Variants in DNAH5 observed in about 807,000 individuals in gnomAD.
DNAH5 encodes the protein dynein axonemal heavy chain 5.
Under a neutral mutation model 518.2 loss-of-function variants are expected in DNAH5, and 372 were observed. The ratio of observed to expected loss-of-function variants is 0.72; its 90% CI spans 0.66 to 0.78. The LOEUF is 0.78. Ranked by LOEUF, DNAH5 falls within the 30% of genes least tolerant of loss-of-function variation. DNAH5 has a pLI of 0.00. For missense variants in DNAH5, 5,523 were observed against 5,687.0 expected (o/e 0.97, Z 0.93); for synonymous variants, 2,039 against 2,025.9 (o/e 1.01, Z -0.17).
rs773869600 is a variant in DNAH5, at chr5:13,753,387, ATAG to A, written c.10715_10717del (p.Thr3572del). 3.3e-5 allele frequency: 54 copies of A among 1,613,942 alleles called. No homozygotes were observed. Among genetic ancestry groups the A allele is most frequent in the Non-Finnish European group, 4.3e-5 (51 of 1,179,978 alleles). On this transcript the variant is annotated inframe_deletion, in exon 63 of 79. Transcript: ENST00000265104. ...CAGACCTTGGAGGTTCCATTCACTAATAGTAGGAGCATCAATCAACATCTCACT... is the reference window on the plus strand; with the variant it reads ...CAGACCTTGGAGGTTCCATTCACTAATAGGAGCATCAATCAACATCTCACT...
At chr5:13,979,841 G>GT (rs1370463214) in intron 1 of DNAH5, among the ~76,000 whole-genome samples, 50 of 122,516 alleles carry the variant, frequency 4.1e-4, no homozygotes, top group Admixed American at 6.7e-4. Context: ...AGTTTTTTGG[G>GT]GTTTTTTTTT....
At chr5:13,754,727 G>A (rs1003944757) in intron 61 of DNAH5, among the ~76,000 whole-genome samples, 9 of 151,850 alleles carry the variant, frequency 5.9e-5, no homozygotes, top group African/African-American at 2.2e-4. Flanking sequence ...TAGTAGAGAT[G>A]GGGTTTCTCC....
chr5:13,745,863 T>C (rs1380167022), intron 65 of DNAH5, among the ~76,000 whole-genome samples: 1 of 152,126 alleles, frequency 6.6e-6, no homozygotes. Flanking sequence ...ATTTTATATT[T>C]ATAATCACCC....
intron 44 of DNAH5, 155 bp from the exon 45 acceptor site, chr5:13,810,415 C>A: frequency 1.3e-6 from 1 of 746,826 alleles, no homozygotes; most frequent in Non-Finnish European, 2.3e-6. Context: ...AAATGAAGAA[C>A]TGATCTCTGA....
intron 75 of DNAH5, among the ~76,000 whole-genome samples, chr5:13,710,714 G>A (rs1386866899): frequency 6.6e-6 from 1 of 151,932 alleles, no homozygotes; most frequent in Non-Finnish European, 1.5e-5. Flanking sequence ...AATACAAAAG[G>A]TCATTCAAGG....
At chr5:13,728,168 T>C (rs936625598) in intron 69 of DNAH5, among the ~76,000 whole-genome samples, 1 of 152,188 alleles carries the variant, frequency 6.6e-6, no homozygotes, top group African/African-American at 2.4e-5. Flanking sequence ...CGCCAGTTAA[T>C]ATCATCAAAT....
At chr5:13,763,451 G>C (rs1364417298) in intron 59 of DNAH5, among the ~76,000 whole-genome samples, 2 of 152,164 alleles carry the variant, frequency 1.3e-5, no homozygotes, top group Non-Finnish European at 2.9e-5. Context: ...TTTAATCATA[G>C]AACTATCAAG....
In DNAH5 at chr5:13,890,990, G is replaced by A. The variant is rs373146819; in HGVS notation, c.2563C>T (p.Leu855Phe). The A allele has an allele frequency of 5.0e-6, 8 of 1,613,980 alleles. No homozygotes were observed. The African/African-American group carries it at 9.3e-5, about 19-fold the overall frequency. Residue 855 changes from leucine (L) to phenylalanine (F), a missense_variant, in exon 17 of 79, where the codon CTC becomes TTC. Leu to Phe is a conservative substitution (Grantham distance 22). Around this residue, in one of 3 missense-constraint regions of DNAH5, gnomAD observed 5,121 missense variants for 5,223.3 expected, o/e 0.98. Coordinates refer to ENST00000265104, the MANE Select transcript of DNAH5 (RefSeq NM_001369.3). The part of the protein sequence containing the change: ...QEEPLTCEEF[L>F]QMTKDLCVNG... ...GTTTTAATGACCTTTGTCATTTGGA[G>A]AAACTCTTCACAGGTTAGTGGCTCC...
chr5:13,912,446 G>A (rs1027597054), intron 11 of DNAH5, among the ~76,000 whole-genome samples: 13 of 147,970 alleles, frequency 8.8e-5, no homozygotes, highest in East Asian at 4.2e-4. Context: ...TTTATATAAC[G>A]TGTGTGTATG....
At chr5:13,923,798 C>G (rs913795508) in intron 3 of DNAH5, among the ~76,000 whole-genome samples, 3 of 152,146 alleles carry the variant, frequency 2.0e-5, no homozygotes, top group Non-Finnish European at 4.4e-5. Flanking sequence ...AATCCCAGCA[C>G]TTTGAGAGGC....
rs749995346 is a variant in DNAH5 at position 13,810,165 on chromosome 5, C to A, written c.7503G>T (p.Arg2501=). ...SAGAALELDG[R]RRLELWLRSR... ...AGCGCAGCCAGAGCTCCAGGCGGCG[C>A]CGTCCGTCCAGCTCCAGCGCCGCCC... is the stretch of plus-strand genomic sequence containing the variant. Residue 2501 remains arginine, a synonymous_variant, in exon 45 of 79, where the codon CGG becomes CGT. Coordinates refer to ENST00000265104, the MANE Select transcript of DNAH5 (RefSeq NM_001369.3). The A allele has an allele frequency of 1.1e-5, 17 of 1,548,282 alleles. No individual in the cohort carries two copies. Among genetic ancestry groups the A allele is most frequent in the Non-Finnish European group, 1.7e-6 (2 of 1,145,592 alleles).
intron 53 of DNAH5, among the ~76,000 whole-genome samples, chr5:13,778,539 G>GAAGA (rs397996833): frequency 0.054 from 3,990 of 73,784 alleles, 244 homozygotes; most frequent in Admixed American, 0.08. Flanking sequence ...GAGAGAGAGA[G>GAAGA]AAGAAAGAAA....
chr5:13,846,948 T>G (rs1347243446), intron 31 of DNAH5, among the ~76,000 whole-genome samples: 2 of 152,244 alleles, frequency 1.3e-5, no homozygotes, highest in African/African-American at 4.8e-5. Context: ...ATCCCAATCC[T>G]TATTTGAATA....
chr5:13,844,440 CA>C (rs1382087541), intron 32 of DNAH5, among the ~76,000 whole-genome samples: 1 of 151,908 alleles, frequency 6.6e-6, no homozygotes, highest in South Asian at 2.1e-4. Context: ...GTTAAAAAAA[CA>C]AAAAAAGTTT....
At chr5:13,871,092 T>C in intron 23 of DNAH5, 90 bp from the exon 24 acceptor site, 2 of 964,188 alleles carry the variant, frequency 2.1e-6, no homozygotes, top group Non-Finnish European at 3.2e-6. Flanking sequence ...TAGTAAATAT[T>C]TTATAGCTTA....
In DNAH5 at chr5:13,727,666, C is replaced by T; in HGVS notation, c.11884-10G>A. On this transcript the variant is annotated splice_polypyrimidine_tract_variant and intron_variant, in intron 69 of 78. Transcript: ENST00000265104. ...TCTCATTTCTCGATATCTGAAAATA[C>T]CATGGGATAAAAACTGTGTCATGCC... 3 of 1,613,580 alleles carry T rather than the reference C, an allele frequency of 1.9e-6. No individual in the cohort carries two copies. The highest frequency in any genetic ancestry group is 2.5e-6 in the Non-Finnish European group (3 of 1,179,616).
In DNAH5 at chr5:13,994,035, G is replaced by A. The variant is rs1581134493; in HGVS notation, c.12+17613C>T. Among the ~76,000 whole-genome samples, 3 of 152,346 alleles carry A rather than the reference G, an allele frequency of 2.0e-5. No homozygotes were observed. The South Asian group carries it at 6.2e-4, about 32-fold the overall frequency. On this transcript the variant is annotated intron_variant, in intron 1 of 78. Coordinates refer to the DNAH5 transcript ENST00000681290. ...CAGGTGAGCCTCAGGCATGCCTGCTGTCAGGCCGTCCTCTGCTCACCTCTG... is the reference window on the plus strand; with the variant it reads ...CAGGTGAGCCTCAGGCATGCCTGCTATCAGGCCGTCCTCTGCTCACCTCTG...
At chr5:13,995,057 G>C (rs1482746352) in intron 1 of DNAH5, among the ~76,000 whole-genome samples, 1 of 152,134 alleles carries the variant, frequency 6.6e-6, no homozygotes, top group Admixed American at 6.5e-5. Context: ...ACACCACATT[G>C]ACCCTTCCCA....
At position 13,755,617 on chromosome 5, in the gene DNAH5, G is replaced by A. The variant is rs914972408; in HGVS notation, c.10420-1279C>T. The stretch of plus-strand genomic sequence containing the variant: ...AAAAGCAAGATATTTATTCCACTTC[G>A]TCCTAATCTATTTTCTTCCTCTGGA... On this transcript the variant is annotated intron_variant, in intron 61 of 78. Transcript: ENST00000265104. Among the ~76,000 whole-genome samples the A allele has an allele frequency of 4.6e-5, 7 of 151,930 alleles. No homozygotes were observed. In the South Asian group the frequency reaches 6.2e-4, roughly 13 times the overall value.
Sources: allele counts gnomAD v4.1 joint callset (sites outside exome capture counted in the v4.1 genomes callset), GRCh38; gene constraint gnomAD v4.1.1; regional missense constraint gnomAD v4.1.1; transcripts MANE v1.5; gene names NCBI Gene and HGNC (gene_info 2026-07-23, HGNC 2026-07-21).